RBPJ: variants seen among roughly 807,000 people sequenced by gnomAD.
The protein encoded by RBPJ is recombining binding protein suppressor of hairless.
A neutral mutation model predicts 67.8 loss-of-function variants in RBPJ; 9 were observed. The ratio of observed to expected loss-of-function variants is 0.13; its 90% CI spans 0.08 to 0.23. The LOEUF (loss-of-function observed/expected upper bound fraction) is 0.23. RBPJ is among the 10% of genes least tolerant of loss of function. RBPJ has a pLI of 1.00. For synonymous variants in RBPJ, 198 were observed against 203.3 expected (o/e 0.97, Z 0.22); for missense variants, 305 against 595.6 (o/e 0.51, Z 5.08).
the RBPJ span, chr4:26,113,370 C>G: frequency 1.8e-6 from 1 of 544,886 alleles, no homozygotes; most frequent in East Asian, 3.9e-5. Context: ...TCAAACTTCA[C>G]TCAGCTTCAG....
At chr4:26,387,516 A>G (rs1456445949) in intron 2 of RBPJ, among the ~76,000 whole-genome samples, 1 of 152,218 alleles carries the variant, frequency 6.6e-6, no homozygotes, top group Non-Finnish European at 1.5e-5. Flanking sequence ...CCTGGACAAA[A>G]TATGTAAAAA....
At chr4:26,338,140 A>C (rs760921802) in intron 1 of RBPJ, among the ~76,000 whole-genome samples, 1 of 84,736 alleles carries the variant, frequency 1.2e-5, no homozygotes, top group Non-Finnish European at 2.5e-5. Flanking sequence ...AAACATTCTT[A>C]TGTGTATTTT....
chr4:26,299,383 T>C (rs1330585911), intron 1 of RBPJ, among the ~76,000 whole-genome samples: 1 of 151,970 alleles, frequency 6.6e-6, no homozygotes, highest in African/African-American at 2.4e-5. Context: ...GCCACTGATA[T>C]GGTAGCTAAT....
chr4:26,242,131 T>C (rs953292191), intron 1 of RBPJ, among the ~76,000 whole-genome samples: 4 of 152,148 alleles, frequency 2.6e-5, no homozygotes, highest in African/African-American at 9.7e-5. Context: ...CTCATGGCCT[T>C]AGAGTTCAGT....
chr4:26,162,426 G>C (rs78289553), upstream of RBPJ, among the ~76,000 whole-genome samples: 1 of 152,226 alleles, frequency 6.6e-6, no homozygotes, highest in Non-Finnish European at 1.5e-5. Flanking sequence ...GAGAGGTCAC[G>C]TGCTGTGCCC....
chr4:26,333,697 A>G (rs781652540), intron 1 of RBPJ, among the ~76,000 whole-genome samples: 34 of 151,800 alleles, frequency 2.2e-4, no homozygotes, highest in Non-Finnish European at 4.3e-4. Context: ...GCTTAATTTT[A>G]TTTATTTCTT....
intron 1 of RBPJ, among the ~76,000 whole-genome samples, chr4:26,176,365 G>A (rs1716795875): frequency 6.6e-6 from 1 of 152,170 alleles, no homozygotes; most frequent in African/African-American, 2.4e-5. Context: ...TAAAACCAGT[G>A]CTGGTTTCAC....
intron 1 of RBPJ, among the ~76,000 whole-genome samples, chr4:26,239,335 A>G (rs1350233885): frequency 6.6e-6 from 1 of 152,194 alleles, no homozygotes; most frequent in Non-Finnish European, 1.5e-5. Flanking sequence ...CTGAATAAGC[A>G]GTTATTTGTA....
intron 1 of RBPJ, among the ~76,000 whole-genome samples, chr4:26,210,579 G>A (rs1374520677): frequency 6.6e-6 from 1 of 151,980 alleles, no homozygotes; most frequent in Admixed American, 6.6e-5. Context: ...TATCAATGAG[G>A]CTTTTAATTA....
intron 1 of RBPJ, among the ~76,000 whole-genome samples, chr4:26,238,560 G>A (rs550269232): frequency 1.1e-4 from 17 of 152,374 alleles, no homozygotes; most frequent in African/African-American, 3.8e-4. Context: ...AAAGGTCACA[G>A]AGCTGGTAAG....
intron 1 of RBPJ, among the ~76,000 whole-genome samples, chr4:26,344,438 T>C (rs531422072): frequency 1.5e-4 from 22 of 151,654 alleles, no homozygotes; most frequent in African/African-American, 5.1e-4. Context: ...GGTTTCACCA[T>C]GTTGGCCAGG....
At chr4:26,182,474 T>C (rs1032547840) in intron 1 of RBPJ, among the ~76,000 whole-genome samples, 1 of 151,962 alleles carries the variant, frequency 6.6e-6, no homozygotes, top group Admixed American at 6.6e-5. Flanking sequence ...AACTTTTTCA[T>C]TTATTTTTAC....
At chr4:26,288,795 G>A (rs1426257669) in intron 1 of RBPJ, among the ~76,000 whole-genome samples, 1 of 152,120 alleles carries the variant, frequency 6.6e-6, no homozygotes, top group Non-Finnish European at 1.5e-5. Flanking sequence ...ACCCCCCAGT[G>A]GAACAACAGC....
the RBPJ span, among the ~76,000 whole-genome samples, chr4:26,145,015 C>G: frequency 6.7e-6 from 1 of 148,166 alleles, no homozygotes; most frequent in South Asian, 2.1e-4. Context: ...CCTCAACCTG[C>G]CTTCTTCTTC....
intron 1 of RBPJ, among the ~76,000 whole-genome samples, chr4:26,289,825 C>T (rs1577393404): frequency 6.6e-6 from 1 of 150,624 alleles, no homozygotes; most frequent in East Asian, 2.0e-4. Flanking sequence ...GGAGAATATA[C>T]AGGAATTGAA....
chr4:26,220,477 G>T (rs778111674), intron 1 of RBPJ, among the ~76,000 whole-genome samples: 2 of 152,148 alleles, frequency 1.3e-5, no homozygotes. Context: ...GGCACTTGGG[G>T]TATATTAGTG....
rs564878273 is a variant in RBPJ, at chr4:26,247,408, CT to C, written c.-167+83804del. The stretch of plus-strand genomic sequence containing the variant: ...TTTCTTGTTAAATTTTTTCATAATA[CT>C]TTTTTTTTTGGGTGGAGGGGGACGG... On this transcript the variant is annotated intron_variant, in intron 1 of 4. Coordinates refer to the RBPJ transcript ENST00000512351. Among the ~76,000 whole-genome samples, 997 of 147,884 alleles carry C rather than the reference CT, an allele frequency of 6.7e-3. 6 individuals are homozygous for C. Among genetic ancestry groups the C allele is most frequent in the Middle Eastern group, 0.014 (4 of 284 alleles).
At chr4:26,158,793 C>G (rs912018003), upstream of RBPJ, among the ~76,000 whole-genome samples, 1 of 152,218 alleles carries the variant, frequency 6.6e-6, no homozygotes, top group Non-Finnish European at 1.5e-5. Context: ...AACCCACAAG[C>G]AGTTCTGATT....
At chr4:26,293,568 C>T (rs1359450811) in intron 1 of RBPJ, among the ~76,000 whole-genome samples, 1 of 150,080 alleles carries the variant, frequency 6.7e-6, no homozygotes. Flanking sequence ...CCCAGGAGTT[C>T]GGGGCTGCAC....
Sources: gnomAD v4.1 joint callset for allele counts (sites outside exome capture counted in the v4.1 genomes callset) on GRCh38, gnomAD v4.1.1 for gene constraint, MANE v1.5 for transcripts, NCBI Gene and HGNC (gene_info 2026-07-23, HGNC 2026-07-21) for gene names.